Variants in SLC1A2 observed in about 807,000 individuals in gnomAD.
The protein encoded by SLC1A2 is solute carrier family 1 member 2, also known as excitatory amino acid transporter 2.
A neutral mutation model predicts 48.8 loss-of-function variants in SLC1A2; 15 were observed. The observed-to-expected ratio is 0.31, with a 90% CI of 0.21 to 0.47. SLC1A2 has a LOEUF of 0.47. Ranked by LOEUF, SLC1A2 falls within the 20% of genes least tolerant of loss-of-function variation. SLC1A2 has a pLI of 0.99. For missense variants in SLC1A2, 502 were observed against 730.5 expected (o/e 0.69, Z 3.61); for synonymous variants, 279 against 272.6 (o/e 1.02, Z -0.23).
intron 6 of SLC1A2, among the ~76,000 whole-genome samples, chr11:35,292,835 G>C (rs1410134454): frequency 6.6e-6 from 1 of 152,064 alleles, no homozygotes. Flanking sequence ...GAGAGACCCA[G>C]GTGTGTCTCT....
intron 8 of SLC1A2, among the ~76,000 whole-genome samples, chr11:35,281,440 G>C (rs935582118): frequency 6.6e-6 from 1 of 152,168 alleles, no homozygotes; most frequent in African/African-American, 2.4e-5. Context: ...TGTGGCAAGG[G>C]TCTAAGAAGG....
intron 6 of SLC1A2, among the ~76,000 whole-genome samples, 185 bp from the exon 7 acceptor site, chr11:35,292,705 G>A (rs1851049976): frequency 6.6e-6 from 1 of 152,146 alleles, no homozygotes; most frequent in African/African-American, 2.4e-5. Context: ...CTGTTTTGTG[G>A]ATCTGGTGGC....
chr11:35,355,775 C>T (rs1282059546), intron 1 of SLC1A2, among the ~76,000 whole-genome samples: 1 of 151,992 alleles, frequency 6.6e-6, no homozygotes, highest in Non-Finnish European at 1.5e-5. Flanking sequence ...ATCCCAGCTA[C>T]TCGGGAGGCT....
At chr11:35,369,226 G>C (rs1013584186) in intron 1 of SLC1A2, among the ~76,000 whole-genome samples, 2 of 152,152 alleles carry the variant, frequency 1.3e-5, no homozygotes, top group African/African-American at 2.4e-5. Flanking sequence ...CACCTTCCCA[G>C]AGACTGGGGG....
chr11:35,281,391 G>A (rs946802762), intron 8 of SLC1A2, among the ~76,000 whole-genome samples: 10 of 152,166 alleles, frequency 6.6e-5, no homozygotes, highest in African/African-American at 1.7e-4. Flanking sequence ...TTCTGCTTAC[G>A]CTTTTATGTC....
intron 6 of SLC1A2, 49 bp downstream of exon 6, chr11:35,301,470 C>A: frequency 6.2e-7 from 1 of 1,600,172 alleles, no homozygotes; most frequent in South Asian, 1.1e-5. Context: ...TCTGGGGACC[C>A]CAAGGCTTTC....
chr11:35,353,175 G>A (rs899508859), intron 1 of SLC1A2, among the ~76,000 whole-genome samples: 2 of 152,016 alleles, frequency 1.3e-5, no homozygotes, highest in African/African-American at 4.8e-5. Context: ...TACAACTAAG[G>A]GTGACTTAGA....
rs566498001 is a variant in SLC1A2 at position 35,401,138 on chromosome 11, G to C, written c.17+17812C>G. Among the ~76,000 whole-genome samples the C allele has an allele frequency of 2.6e-5, 4 of 152,282 alleles. No individual in the cohort carries two copies. The East Asian group carries it at 7.7e-4, about 29-fold the overall frequency. On this transcript the variant is annotated intron_variant, in intron 1 of 10. Transcript: ENST00000278379. ...AAGATAAGGGGTTGTGGGGACCAAGGTCCTTATTATGCAGATTAAGTCTCC... is the reference window on the plus strand; with the variant it reads ...AAGATAAGGGGTTGTGGGGACCAAGCTCCTTATTATGCAGATTAAGTCTCC...
At chr11:35,359,307 C>T (rs376426278) in intron 1 of SLC1A2, among the ~76,000 whole-genome samples, 1 of 152,204 alleles carries the variant, frequency 6.6e-6, no homozygotes, top group Non-Finnish European at 1.5e-5. Flanking sequence ...GACTGCGTCA[C>T]ACACTTTTGG....
chr11:35,374,681 G>T (rs1250327048), intron 1 of SLC1A2, among the ~76,000 whole-genome samples: 2 of 152,188 alleles, frequency 1.3e-5, no homozygotes, highest in Non-Finnish European at 2.9e-5. Flanking sequence ...CTGGTTAAAA[G>T]TATCTACTCA....
intron 5 of SLC1A2, among the ~76,000 whole-genome samples, chr11:35,304,513 T>C (rs1057001478): frequency 3.9e-5 from 6 of 152,130 alleles, no homozygotes; most frequent in African/African-American, 7.2e-5. Flanking sequence ...TCCTTCCTAC[T>C]CCTCGCTCCT....
intron 1 of SLC1A2, chr11:35,418,467 C>G (rs890178403): frequency 1.3e-5 from 2 of 156,998 alleles, no homozygotes; most frequent in African/African-American, 4.8e-5. Context: ...ATCTCCATGG[C>G]GACTCTGCAA....
At position 35,394,500 on chromosome 11, in the gene SLC1A2, A is replaced by G. The variant is rs117403160; in HGVS notation, c.17+24450T>C. 1.9e-3 allele frequency among the ~76,000 whole-genome samples: 286 copies of G among 152,310 alleles called. 11 individuals are homozygous for G. The East Asian group carries it at 0.049, about 26-fold the overall frequency. On this transcript the variant is annotated intron_variant, in intron 1 of 10. Transcript: ENST00000278379. ...AAAAAAATCCCTAACTTTGGTCAAA[A>G]GAGCATGAACTTTGGCCTTTAGAAA... is the stretch of plus-strand genomic sequence containing the variant.
chr11:35,378,007 T>C (rs557198583), intron 1 of SLC1A2, among the ~76,000 whole-genome samples: 1 of 152,358 alleles, frequency 6.6e-6, no homozygotes, highest in East Asian at 1.9e-4. Flanking sequence ...GTGCAGGAAC[T>C]TGGAGGTTCC....
intron 1 of SLC1A2, among the ~76,000 whole-genome samples, chr11:35,333,228 A>G (rs1852487365): frequency 6.6e-6 from 1 of 152,036 alleles, no homozygotes; most frequent in African/African-American, 2.4e-5. Context: ...GCCTTGCCAA[A>G]ATGGTGAAAC....
intron 1 of SLC1A2, among the ~76,000 whole-genome samples, chr11:35,321,920 C>G (rs1401986270): frequency 3.9e-5 from 6 of 152,102 alleles, no homozygotes; most frequent in African/African-American, 1.4e-4. Flanking sequence ...GGCTAATGCT[C>G]TCTGACACTG....
intron 10 of SLC1A2, among the ~76,000 whole-genome samples, chr11:35,262,545 A>G (rs569116233): frequency 1.3e-5 from 2 of 152,366 alleles, no homozygotes; most frequent in East Asian, 3.9e-4. Flanking sequence ...TCAGTTTTTA[A>G]AAAGTGGGAA....
chr11:35,332,519 A>C (rs1283913960), intron 1 of SLC1A2, among the ~76,000 whole-genome samples: 1 of 152,236 alleles, frequency 6.6e-6, no homozygotes, highest in African/African-American at 2.4e-5. Context: ...CCAGGCACCT[A>C]ATAGGTGTTC....
chr11:35,330,827 C>T (rs1327736548), intron 1 of SLC1A2, among the ~76,000 whole-genome samples: 3 of 152,194 alleles, frequency 2.0e-5, no homozygotes, highest in African/African-American at 7.2e-5. Flanking sequence ...TCCTCCGAGC[C>T]TCCAGAAAAG....
Sources: gnomAD v4.1 joint callset for allele counts (sites outside exome capture counted in the v4.1 genomes callset) on GRCh38, gnomAD v4.1.1 for gene constraint, MANE v1.5 for transcripts, NCBI Gene and HGNC (gene_info 2026-07-23, HGNC 2026-07-21) for gene names.